SUMF1: variants seen among roughly 807,000 people sequenced by gnomAD.
The protein encoded by SUMF1 is sulfatase modifying factor 1.
Under a neutral mutation model 47.6 loss-of-function variants are expected in SUMF1, and 48 were observed. The ratio of observed to expected loss-of-function variants is 1.01; its 90% CI spans 0.80 to 1.28. The LOEUF (loss-of-function observed/expected upper bound fraction) is 1.28, where lower values mean the gene tolerates loss of function less well. Ranked by LOEUF, SUMF1 falls within the 50% of genes most tolerant of loss-of-function variation. The pLI is 0.00. For synonymous variants in SUMF1, 230 were observed against 192.1 expected, an observed-to-expected ratio of 1.20 and a Z score of -1.63; for missense variants, 571 against 485.4, an observed-to-expected ratio of 1.18 and a Z score of -1.66.
chr3:4,401,508 G>C (rs538133389), intron 7 of SUMF1, among the ~76,000 whole-genome samples: 21 of 152,218 alleles, frequency 1.4e-4, no homozygotes, highest in African/African-American at 5.1e-4. Flanking sequence ...CAAGCAAGCA[G>C]CAGACCCAAG....
intron 3 of SUMF1, among the ~76,000 whole-genome samples, chr3:4,441,493 A>G (rs1035539169): frequency 6.6e-6 from 1 of 152,228 alleles, no homozygotes; most frequent in Admixed American, 6.5e-5. Flanking sequence ...ACATCCGAGG[A>G]AAAACTGTCT....
At chr3:4,039,209 A>ATTTTTTTTTTTTT (rs775459424) in intron 9 of SUMF1, among the ~76,000 whole-genome samples, 10 of 39,494 alleles carry the variant, frequency 2.5e-4, no homozygotes, top group East Asian at 1.6e-3. Context: ...ATCTATGCAA[A>ATTTTTTTTTTTTT]TTTTTTTTTT....
chr3:4,307,452 C>T (rs1698235682), intron 8 of SUMF1, among the ~76,000 whole-genome samples: 1 of 152,148 alleles, frequency 6.6e-6, no homozygotes, highest in African/African-American at 2.4e-5. Flanking sequence ...GAGAGCCCTA[C>T]AATCTGTGTC....
intron 6 of SUMF1, among the ~76,000 whole-genome samples, chr3:4,414,300 C>T (rs1230938800): frequency 6.6e-6 from 1 of 152,192 alleles, no homozygotes; most frequent in African/African-American, 2.4e-5. Context: ...CACTGCACTC[C>T]AGCCTGGGCA....
At chr3:4,201,462 A>T (rs932201807) in intron 8 of SUMF1, among the ~76,000 whole-genome samples, 4 of 152,126 alleles carry the variant, frequency 2.6e-5, no homozygotes, top group African/African-American at 9.7e-5. Context: ...ATCTTGTTGT[A>T]AATGACAGGA....
intron 8 of SUMF1, among the ~76,000 whole-genome samples, chr3:4,156,555 T>C (rs902100422): frequency 6.6e-6 from 1 of 151,606 alleles, no homozygotes; most frequent in South Asian, 2.1e-4. Flanking sequence ...GACTCTAGAA[T>C]TGACCACTTC....
chr3:4,365,379 G>T (rs62257902), intron 8 of SUMF1, among the ~76,000 whole-genome samples: 1 of 117,780 alleles, frequency 8.5e-6, no homozygotes, highest in Admixed American at 8.1e-5. Flanking sequence ...CTCAGGATTT[G>T]CTTTATGAAT....
chr3:4,420,643 G>A (rs567422262), intron 3 of SUMF1, among the ~76,000 whole-genome samples: 156 of 152,148 alleles, frequency 1.0e-3, no homozygotes, highest in East Asian at 2.3e-3. Flanking sequence ...TGATCCGCCC[G>A]CCTCGGCCTC....
intron 8 of SUMF1, among the ~76,000 whole-genome samples, chr3:4,158,381 C>G (rs552168822): frequency 9.3e-5 from 14 of 151,304 alleles, no homozygotes; most frequent in African/African-American, 2.4e-4. Context: ...CGTGGTCTAT[C>G]CCGAGAATGA....
chr3:4,039,135 T>C lies in SUMF1; in HGVS notation c.1191+29434A>G, dbSNP rs1352818519. On this transcript the variant is annotated intron_variant and NMD_transcript_variant, in intron 9 of 12. Transcript: ENST00000448413. ...AGAATTGAAATACAGAAAATACATT[T>C]AATATATATCATAATCCATATCCTA... Among the ~76,000 whole-genome samples the C allele has an allele frequency of 2.7e-5, 4 of 149,224 alleles. No individual in the cohort carries two copies. In the East Asian group the frequency reaches 8.1e-4, roughly 30 times the overall value.
chr3:4,092,001 A>G (rs1692798185), intron 8 of SUMF1, among the ~76,000 whole-genome samples: 1 of 152,216 alleles, frequency 6.6e-6, no homozygotes, highest in Middle Eastern at 3.4e-3. Flanking sequence ...TCTTCTCTCA[A>G]AAGGCCACAT....
chr3:4,209,013 A>G (rs1695716428), intron 8 of SUMF1, among the ~76,000 whole-genome samples: 1 of 152,080 alleles, frequency 6.6e-6, no homozygotes, highest in Non-Finnish European at 1.5e-5. Context: ...TGAGTTGGGT[A>G]GAAGTTCTCT....
intron 9 of SUMF1, among the ~76,000 whole-genome samples, chr3:4,051,935 A>G (rs17039739): frequency 0.057 from 8,633 of 152,192 alleles, 786 homozygotes; most frequent in African/African-American, 0.19. Flanking sequence ...CCAAGAAAGT[A>G]TCAACTAACA....
intron 8 of SUMF1, among the ~76,000 whole-genome samples, chr3:4,274,366 A>G (rs757117155): frequency 2.1e-4 from 32 of 152,198 alleles, no homozygotes; most frequent in Admixed American, 9.2e-4. Flanking sequence ...CTAGGTATCT[A>G]AGCTCTACTG....
At chr3:4,306,389 C>T (rs181371360) in intron 8 of SUMF1, among the ~76,000 whole-genome samples, 21 of 151,874 alleles carry the variant, frequency 1.4e-4, no homozygotes, top group African/African-American at 4.6e-4. Context: ...AAAATAAATA[C>T]GTCTATTTTT....
At chr3:4,248,536 A>C (rs758775362) in intron 8 of SUMF1, among the ~76,000 whole-genome samples, 2 of 152,204 alleles carry the variant, frequency 1.3e-5, no homozygotes, top group Non-Finnish European at 2.9e-5. Flanking sequence ...TAAAAAGAGA[A>C]GCTTTAGACA....
At chr3:4,276,126 T>C (rs1697410477) in intron 8 of SUMF1, among the ~76,000 whole-genome samples, 1 of 152,106 alleles carries the variant, frequency 6.6e-6, no homozygotes, top group Admixed American at 6.6e-5. Flanking sequence ...AAATTTATTG[T>C]CCAGAAATCC....
intron 8 of SUMF1, among the ~76,000 whole-genome samples, chr3:4,181,871 G>A (rs1471892933): frequency 6.6e-6 from 1 of 152,062 alleles, no homozygotes; most frequent in Non-Finnish European, 1.5e-5. Flanking sequence ...CCTGAGGCTG[G>A]GGAACACAGG....
At chr3:4,130,483 T>C (rs1007234811) in intron 8 of SUMF1, among the ~76,000 whole-genome samples, 3 of 152,186 alleles carry the variant, frequency 2.0e-5, no homozygotes, top group Non-Finnish European at 4.4e-5. Flanking sequence ...GATATCACAG[T>C]GGACCATTAC....
Sources: gnomAD v4.1 joint callset for allele counts (sites outside exome capture counted in the v4.1 genomes callset) on GRCh38, gnomAD v4.1.1 for gene constraint, MANE v1.5 for transcripts, NCBI Gene and HGNC (gene_info 2026-07-23, HGNC 2026-07-21) for gene names.